Variants in ROBO2 observed in about 807,000 individuals in gnomAD.
The protein encoded by ROBO2 is roundabout guidance receptor 2, also known as roundabout homolog 2.
In ROBO2, 53 loss-of-function variants were observed where a neutral mutation model predicts 160.8. That is an observed-to-expected ratio of 0.33 (90% CI 0.26 to 0.41). The LOEUF (loss-of-function observed/expected upper bound fraction) is 0.41. ROBO2 is among the 10% of genes least tolerant of loss of function. The pLI is 1.00. For missense variants in ROBO2, 1,577 were observed against 1,722.4 expected, an observed-to-expected ratio of 0.92 and a Z score of 1.49; for synonymous variants, 664 against 611.7, an observed-to-expected ratio of 1.09 and a Z score of -1.26.
intron 2 of ROBO2, among the ~76,000 whole-genome samples, chr3:77,225,341 C>T (rs1229940819): frequency 6.6e-6 from 1 of 151,782 alleles, no homozygotes; most frequent in Non-Finnish European, 1.5e-5. Context: ...TCCCATTTTA[C>T]TTTTATTAAT....
chr3:77,557,801 G>T (rs1238871503), intron 8 of ROBO2, 143 bp from the exon 10 acceptor site: 15 of 681,096 alleles, frequency 2.2e-5, no homozygotes, highest in Non-Finnish European at 3.6e-5. Context: ...GAATATACAT[G>T]ACCAAGAATA....
intron 2 of ROBO2, among the ~76,000 whole-genome samples, chr3:77,390,322 A>T (rs1468261978): frequency 6.6e-6 from 1 of 152,204 alleles, no homozygotes; most frequent in Non-Finnish European, 1.5e-5. Context: ...ATGGCATCTT[A>T]CACAGTTTGG....
chr3:76,309,827 A>G (rs1460634099), intron 2 of ROBO2, among the ~76,000 whole-genome samples: 1 of 152,014 alleles, frequency 6.6e-6, no homozygotes, highest in African/African-American at 2.4e-5. Context: ...ATTAATTATT[A>G]TTGTTACTAT....
At chr3:76,751,409 T>C (rs1297586585) in intron 2 of ROBO2, among the ~76,000 whole-genome samples, 2 of 152,058 alleles carry the variant, frequency 1.3e-5, no homozygotes, top group Non-Finnish European at 2.9e-5. Context: ...ATTTCATGTC[T>C]AAAACACCAA....
intron 23 of ROBO2, 145 bp downstream of exon 24, chr3:77,622,577 CA>C: frequency 1.4e-6 from 1 of 736,042 alleles, no homozygotes; most frequent in Admixed American, 2.7e-5. Context: ...ATACAAAATT[CA>C]AAAAGGATTT....
intron 2 of ROBO2, among the ~76,000 whole-genome samples, chr3:76,009,984 A>G (rs1050948996): frequency 2.6e-5 from 4 of 151,738 alleles, no homozygotes; most frequent in African/African-American, 7.3e-5. Flanking sequence ...TTTCTTTTCT[A>G]TTTTCTTTAT....
intron 2 of ROBO2, among the ~76,000 whole-genome samples, chr3:77,289,209 T>A (rs2060858371): frequency 6.6e-6 from 1 of 152,162 alleles, no homozygotes; most frequent in African/African-American, 2.4e-5. Context: ...ACTCTGAGAT[T>A]GTTAATAGCA....
At chr3:77,166,833 A>G (rs910533552) in intron 2 of ROBO2, among the ~76,000 whole-genome samples, 1 of 152,222 alleles carries the variant, frequency 6.6e-6, no homozygotes, top group African/African-American at 2.4e-5. Flanking sequence ...TGCTGGGATT[A>G]CAGGCGTGAG....
At chr3:77,336,819 C>T (rs17015201) in intron 2 of ROBO2, among the ~76,000 whole-genome samples, 24,491 of 152,140 alleles carry the variant, frequency 0.16, 2,280 homozygotes, top group East Asian at 0.26. Flanking sequence ...GTGAATAATG[C>T]GTAGCTTCTA....
intron 2 of ROBO2, among the ~76,000 whole-genome samples, chr3:77,135,738 G>T (rs1206282977): frequency 6.6e-6 from 1 of 152,130 alleles, no homozygotes; most frequent in African/African-American, 2.4e-5. Flanking sequence ...AATGTTGACT[G>T]TAGAATGTTT....
At chr3:76,386,977 C>G (rs1310188125) in intron 2 of ROBO2, among the ~76,000 whole-genome samples, 1 of 152,128 alleles carries the variant, frequency 6.6e-6, no homozygotes, top group Non-Finnish European at 1.5e-5. Context: ...GCTGCTATAA[C>G]AAAATTCCAC....
At chr3:76,961,917 C>T (rs1402814550) in intron 2 of ROBO2, among the ~76,000 whole-genome samples, 8 of 152,046 alleles carry the variant, frequency 5.3e-5, no homozygotes, top group Admixed American at 1.3e-4. Flanking sequence ...ATGTGAAATA[C>T]GCCTGGTGAG....
intron 2 of ROBO2, among the ~76,000 whole-genome samples, chr3:76,380,567 C>T (rs888900065): frequency 6.6e-6 from 1 of 152,066 alleles, no homozygotes; most frequent in Non-Finnish European, 1.5e-5. Flanking sequence ...TTCCTAATAA[C>T]ATTTTGTTTT....
Position 77,021,744 on chromosome 3 carries a change from T to C in ROBO2, c.110-76270T>C, listed in dbSNP as rs540098068. ...TGCCCTATGAATGGATTAATGCTGTTATTGTGGGAGTGGATTAGTTATCAC... is the reference window on the plus strand; with the variant it reads ...TGCCCTATGAATGGATTAATGCTGTCATTGTGGGAGTGGATTAGTTATCAC... On this transcript the variant is annotated intron_variant, in intron 2 of 26. Coordinates refer to the ROBO2 transcript ENST00000487694. Among the ~76,000 whole-genome samples, 3 of 152,262 alleles carry C rather than the reference T, an allele frequency of 2.0e-5. No homozygotes were observed. The South Asian group carries it at 6.2e-4, about 32-fold the overall frequency.
At chr3:76,749,492 C>T (rs2108198572) in intron 2 of ROBO2, among the ~76,000 whole-genome samples, 1 of 152,022 alleles carries the variant, frequency 6.6e-6, no homozygotes. Flanking sequence ...TGCTCATGAT[C>T]TAGGGAGTGA....
intron 2 of ROBO2, among the ~76,000 whole-genome samples, chr3:76,561,147 T>C (rs985252283): frequency 1.3e-5 from 2 of 151,870 alleles, no homozygotes; most frequent in East Asian, 3.9e-4. Context: ...ATAGGCATCA[T>C]GTTCCAACCT....
chr3:77,527,125 A>G (rs2091241201), intron 6 of ROBO2, among the ~76,000 whole-genome samples: 1 of 151,478 alleles, frequency 6.6e-6, no homozygotes, highest in African/African-American at 2.4e-5. Flanking sequence ...GATCTTTGAA[A>G]TAATAACTGC....
At chr3:76,118,964 T>C (rs2070599820) in intron 2 of ROBO2, among the ~76,000 whole-genome samples, 1 of 152,188 alleles carries the variant, frequency 6.6e-6, no homozygotes, top group Non-Finnish European at 1.5e-5. Context: ...AGCAATGTTT[T>C]TCTTATAGAA....
chr3:76,432,730 A>G (rs1341880345), intron 2 of ROBO2, among the ~76,000 whole-genome samples: 1 of 152,134 alleles, frequency 6.6e-6, no homozygotes, highest in Non-Finnish European at 1.5e-5. Flanking sequence ...GCTGTATTCT[A>G]CTGGTCAAAT....
Sources: allele counts gnomAD v4.1 joint callset (sites outside exome capture counted in the v4.1 genomes callset), GRCh38; gene constraint gnomAD v4.1.1; transcripts MANE v1.5; gene names NCBI Gene and HGNC (gene_info 2026-07-23, HGNC 2026-07-21).